The following PARD3 variants were observed in gnomAD, a reference collection of about 807,000 sequenced individuals.
The protein encoded by PARD3 is partitioning defective 3 homolog.
PARD3 carries 75 observed loss-of-function variants against 155.4 expected under a neutral mutation model. That is an observed-to-expected ratio of 0.48 (90% CI 0.40 to 0.58). The LOEUF (loss-of-function observed/expected upper bound fraction) is 0.58. Among genes scored for constraint, PARD3 ranks in the 20% least tolerant of loss-of-function variants. The pLI, the probability that PARD3 is intolerant of heterozygous loss-of-function variation, is 0.00. For synonymous variants in PARD3, 576 were observed against 610.5 expected (o/e 0.94, Z 0.83); for missense variants, 1,642 against 1,721.7 (o/e 0.95, Z 0.82).
In PARD3 at chr10:34,378,252, T is replaced by C. The variant is rs60379001; in HGVS notation, c.1400-146A>G. The C allele has an allele frequency of 2.3e-3, 1,401 of 602,816 alleles. 17 individuals are homozygous for C. The African/African-American group carries it at 0.025, about 11-fold the overall frequency. The allele number at this position is 602,816 out of a possible 1,614,324, so 37.3% of individuals were successfully genotyped here. The stretch of plus-strand genomic sequence containing the variant: ...TCTTCTACTACTTTAAAAGTTGTAA[T>C]AAATTTTTCAAAATAGACTAAATTG... On this transcript the variant is annotated intron_variant, in intron 9 of 24. Transcript: ENST00000374788.
chr10:34,185,890 G>A (rs1950471782), intron 22 of PARD3, among the ~76,000 whole-genome samples: 1 of 149,652 alleles, frequency 6.7e-6, no homozygotes, highest in South Asian at 2.1e-4. Context: ...ACATTATATT[G>A]CAGAGTTTTA....
At chr10:34,671,377 C>T (rs1181616577) in intron 2 of PARD3, among the ~76,000 whole-genome samples, 1 of 152,198 alleles carries the variant, frequency 6.6e-6, no homozygotes, top group Non-Finnish European at 1.5e-5. Context: ...CAAACTTTCC[C>T]ATTAAATAGG....
intron 2 of PARD3, among the ~76,000 whole-genome samples, chr10:34,601,299 C>T (rs540483581): frequency 8.0e-5 from 12 of 150,206 alleles, no homozygotes; most frequent in Non-Finnish European, 1.6e-4. Context: ...AAATTAGCAC[C>T]AAGTATAGTG....
intron 2 of PARD3, among the ~76,000 whole-genome samples, chr10:34,683,196 A>G (rs534558569): frequency 1.3e-5 from 2 of 152,246 alleles, no homozygotes; most frequent in Admixed American, 1.3e-4. Context: ...ATGGGCACAC[A>G]TGGTCATAAA....
chr10:34,727,631 T>C (rs1177911888), intron 1 of PARD3, among the ~76,000 whole-genome samples: 1 of 152,152 alleles, frequency 6.6e-6, no homozygotes, highest in African/African-American at 2.4e-5. Flanking sequence ...TAATGATTTA[T>C]AGGCACTTTG....
intron 19 of PARD3, among the ~76,000 whole-genome samples, chr10:34,320,781 T>A (rs1042392529): frequency 7.9e-5 from 12 of 152,348 alleles, no homozygotes; most frequent in Non-Finnish European, 1.3e-4. Flanking sequence ...CCCAAGCCAG[T>A]GGACTGTTTA....
chr10:34,369,027 T>TC (rs142317551), intron 12 of PARD3, among the ~76,000 whole-genome samples: 16,387 of 150,446 alleles, frequency 0.11, 1,779 homozygotes, highest in African/African-American at 0.29. Context: ...CTTTTTTTTT[T>TC]CCCCCCTCAA....
intron 7 of PARD3, among the ~76,000 whole-genome samples, chr10:34,385,175 C>T (rs1490634719): frequency 1.3e-5 from 2 of 152,102 alleles, no homozygotes; most frequent in Non-Finnish European, 2.9e-5. Flanking sequence ...TTCTTGTCGT[C>T]CAGGCTGTAG....
chr10:34,739,919 AT>A (rs1337637525), intron 1 of PARD3, among the ~76,000 whole-genome samples: 1 of 152,194 alleles, frequency 6.6e-6, no homozygotes, highest in Non-Finnish European at 1.5e-5. Context: ...GGGAGAAAGG[AT>A]AAGTCAGGAG....
At chr10:34,533,813 A>T (rs1249045414) in intron 2 of PARD3, among the ~76,000 whole-genome samples, 1 of 150,216 alleles carries the variant, frequency 6.7e-6, no homozygotes, top group Non-Finnish European at 1.5e-5. Context: ...CTAAAAAAAC[A>T]ACAAAAAAAA....
intron 22 of PARD3, among the ~76,000 whole-genome samples, chr10:34,234,164 T>C (rs1329074478): frequency 2.0e-5 from 3 of 152,310 alleles, no homozygotes; most frequent in African/African-American, 4.8e-5. Flanking sequence ...GTAACTACTT[T>C]GTAATCAATT....
At chr10:34,642,450 G>A (rs1397644270) in intron 2 of PARD3, among the ~76,000 whole-genome samples, 1 of 151,732 alleles carries the variant, frequency 6.6e-6, no homozygotes, top group Non-Finnish European at 1.5e-5. Context: ...CCCTGGCTCT[G>A]CCTCACCAGC....
intron 24 of PARD3, among the ~76,000 whole-genome samples, chr10:34,119,297 G>A (rs926687517): frequency 1.2e-4 from 19 of 152,154 alleles, no homozygotes; most frequent in African/African-American, 4.6e-4. Flanking sequence ...CCATTTTTCA[G>A]ATGAAGATAC....
intron 2 of PARD3, among the ~76,000 whole-genome samples, chr10:34,666,796 A>AAAAAATAT (rs1358640964): frequency 4.6e-4 from 31 of 66,944 alleles, no homozygotes; most frequent in African/African-American, 5.4e-4. Context: ...AAAAAAAAAA[A>AAAAAATAT]ATATATATAT....
At chr10:34,587,664 A>C (rs2088218619) in intron 2 of PARD3, among the ~76,000 whole-genome samples, 1 of 152,102 alleles carries the variant, frequency 6.6e-6, no homozygotes, top group Non-Finnish European at 1.5e-5. Flanking sequence ...TTAGACACCA[A>C]GATATCTACA....
At position 34,382,650 on chromosome 10, in the gene PARD3, T is replaced by A. The variant is rs1438882727; in HGVS notation, c.1289A>T (p.Lys430Ile). ...TGCCGAGGCTGGAGCGGATGGTGGT[T>A]TTCCCGAGGGGTGTGCGCTATGAGG... ...RLPHSAHPSGKPPSAPASAPQ... is the reference protein window; with the variant it reads ...RLPHSAHPSGIPPSAPASAPQ... The change falls in exon 9 of 25, where the codon AAA becomes ATA. Residue 430 changes from lysine to isoleucine, a missense_variant. Transcript: ENST00000374788. The A allele has an allele frequency of 2.5e-6, 4 of 1,614,140 alleles. No individual in the cohort carries two copies. The Admixed American group carries it at 6.7e-5, about 27-fold the overall frequency.
chr10:34,517,157 C>A lies in PARD3; in HGVS notation c.225G>T (p.Leu75=). ...LCDVADDKDR[L]VAVFDEQDPH... The stretch of plus-strand genomic sequence containing the variant: ...GATCCTGCTCATCAAACACTGCTAC[C>A]AGCTAGAAATGAAAGGTAAATGTGC... The change falls in exon 3 of 25, where the codon CTG becomes CTT. Residue 75 remains leucine, a splice_region_variant and synonymous_variant. Transcript: ENST00000374788. The A allele has an allele frequency of 1.2e-6, 2 of 1,612,334 alleles. No homozygotes were observed. The highest frequency in any genetic ancestry group is 1.7e-6 in the Non-Finnish European group (2 of 1,179,276).
chr10:34,165,792 T>C (rs1482426787), intron 22 of PARD3, among the ~76,000 whole-genome samples: 1 of 152,224 alleles, frequency 6.6e-6, no homozygotes, highest in Non-Finnish European at 1.5e-5. Context: ...TCTTTGTTTG[T>C]TCCGTTCTCA....
intron 22 of PARD3, among the ~76,000 whole-genome samples, chr10:34,207,706 C>G (rs994199513): frequency 1.3e-5 from 2 of 152,294 alleles, no homozygotes; most frequent in East Asian, 3.9e-4. Flanking sequence ...ACACAGTAAA[C>G]TTTATGGACA....
Sources: gnomAD v4.1 joint callset for allele counts (sites outside exome capture counted in the v4.1 genomes callset) on GRCh38, gnomAD v4.1.1 for gene constraint, MANE v1.5 for transcripts, NCBI Gene and HGNC (gene_info 2026-07-23, HGNC 2026-07-21) for gene names.